RHOBTB1: variants seen among roughly 807,000 people sequenced by gnomAD.
RHOBTB1 encodes the protein Rho related BTB domain containing 1.
A neutral mutation model predicts 71.6 loss-of-function variants in RHOBTB1; 40 were observed. The ratio of observed to expected loss-of-function variants is 0.56; its 90% CI spans 0.43 to 0.73. The LOEUF (loss-of-function observed/expected upper bound fraction) is 0.73. RHOBTB1 is among the 30% of genes least tolerant of loss of function. The probability of loss-of-function intolerance (pLI) is 0.00; values close to 1 mark genes in which losing one functional copy is unlikely to be tolerated. For synonymous variants in RHOBTB1, 319 were observed against 334.9 expected (o/e 0.95, Z 0.52); for missense variants, 797 against 894.0 (o/e 0.89, Z 1.38).
At chr10:60,991,621 C>G (rs534309886) in intron 1 of RHOBTB1, among the ~76,000 whole-genome samples, 2 of 151,834 alleles carry the variant, frequency 1.3e-5, no homozygotes, top group East Asian at 3.9e-4. Context: ...TTAGTAGAGA[C>G]GGGGTTTCAC....
intron 10 of RHOBTB1, 64 bp downstream of exon 10, chr10:60,872,121 G>C (rs1216859251): frequency 6.7e-6 from 8 of 1,200,830 alleles, no homozygotes; most frequent in Non-Finnish European, 1.0e-5. Context: ...CAGGGACATA[G>C]AAGATAAAAG....
At chr10:60,899,237 C>T (rs536851156) in intron 4 of RHOBTB1, among the ~76,000 whole-genome samples, 4 of 152,302 alleles carry the variant, frequency 2.6e-5, no homozygotes, top group South Asian at 4.1e-4. Flanking sequence ...AACAGTCCTA[C>T]TTAACTCCTG....
chr10:60,878,137 A>T, intron 7 of RHOBTB1, 79 bp from the exon 8 acceptor site: 1 of 1,156,820 alleles, frequency 8.6e-7, no homozygotes, highest in South Asian at 1.4e-5. Context: ...CTGCTTATAA[A>T]TATCCTGTGT....
intron 2 of RHOBTB1, among the ~76,000 whole-genome samples, chr10:60,969,187 T>A (rs1299219912): frequency 6.6e-6 from 1 of 152,072 alleles, no homozygotes; most frequent in Non-Finnish European, 1.5e-5. Flanking sequence ...ATGTGAGGTC[T>A]CCTATGGAGG....
intron 1 of RHOBTB1, among the ~76,000 whole-genome samples, chr10:60,989,819 G>C (rs553256159): frequency 9.5e-4 from 145 of 152,172 alleles, no homozygotes; most frequent in African/African-American, 3.2e-3. Flanking sequence ...ATGCAAGCAG[G>C]TGGGAGAGGC....
intron 2 of RHOBTB1, among the ~76,000 whole-genome samples, chr10:60,966,132 T>C (rs1317106624): frequency 6.6e-6 from 1 of 152,070 alleles, no homozygotes; most frequent in African/African-American, 2.4e-5. Context: ...AGGAATAATG[T>C]CTTGAAAAGA....
upstream of RHOBTB1, among the ~76,000 whole-genome samples, chr10:60,948,889 C>G (rs1200103984): frequency 6.6e-6 from 1 of 152,174 alleles, no homozygotes; most frequent in Admixed American, 6.5e-5. Context: ...TAAGGAAATA[C>G]TTCTGGACTA....
At chr10:60,956,592 T>G (rs916425480) in intron 2 of RHOBTB1, among the ~76,000 whole-genome samples, 1 of 151,952 alleles carries the variant, frequency 6.6e-6, no homozygotes, top group Admixed American at 6.6e-5. Flanking sequence ...AAATATCTTC[T>G]TTATATCCTT....
intron 2 of RHOBTB1, among the ~76,000 whole-genome samples, chr10:60,919,815 C>T (rs1170523040): frequency 2.6e-5 from 4 of 152,292 alleles, no homozygotes; most frequent in African/African-American, 9.6e-5. Context: ...GCTCTCTATG[C>T]TTTTAAAACT....
intron 7 of RHOBTB1, among the ~76,000 whole-genome samples, chr10:60,878,475 A>T (rs2081154617): frequency 6.6e-6 from 1 of 152,204 alleles, no homozygotes; most frequent in Non-Finnish European, 1.5e-5. Flanking sequence ...GTTCTCCAAG[A>T]TGTCAAAAGA....
intron 2 of RHOBTB1, among the ~76,000 whole-genome samples, chr10:60,978,464 C>T (rs1044419480): frequency 2.0e-5 from 3 of 152,124 alleles, no homozygotes; most frequent in Non-Finnish European, 4.4e-5. Context: ...TTTTATTCTA[C>T]ATTATAGACT....
intron 2 of RHOBTB1, among the ~76,000 whole-genome samples, chr10:60,959,442 G>A (rs1437484181): frequency 6.6e-6 from 1 of 152,140 alleles, no homozygotes; most frequent in Non-Finnish European, 1.5e-5. Flanking sequence ...TAAAAGCTAC[G>A]TGGACAAGAA....
intron 2 of RHOBTB1, among the ~76,000 whole-genome samples, chr10:60,917,994 AT>A (rs1224100872): frequency 2.6e-5 from 4 of 152,138 alleles, no homozygotes; most frequent in African/African-American, 7.2e-5. Context: ...CCATACACAC[AT>A]TTTTTTCTTA....
intron 2 of RHOBTB1, among the ~76,000 whole-genome samples, chr10:60,938,513 C>T (rs954151971): frequency 2.6e-5 from 4 of 152,192 alleles, no homozygotes; most frequent in Non-Finnish European, 5.9e-5. Context: ...TGATTCAACT[C>T]TCTATGACTC....
intron 2 of RHOBTB1, among the ~76,000 whole-genome samples, chr10:60,985,364 A>G (rs969443920): frequency 1.3e-4 from 20 of 152,154 alleles, no homozygotes; most frequent in Admixed American, 1.3e-3. Flanking sequence ...TTCTAATAAG[A>G]TTTTCTAATT....
intron 2 of RHOBTB1, among the ~76,000 whole-genome samples, chr10:60,926,228 C>T (rs1166268311): frequency 6.6e-6 from 1 of 152,128 alleles, no homozygotes; most frequent in African/African-American, 2.4e-5. Flanking sequence ...CAGAGCAACA[C>T]TCTGTCCAAA....
intron 2 of RHOBTB1, among the ~76,000 whole-genome samples, chr10:60,933,743 G>A (rs945881867): frequency 3.3e-5 from 5 of 151,470 alleles, no homozygotes; most frequent in Non-Finnish European, 7.4e-5. Context: ...CACTATTTGT[G>A]GAAACAAAAA....
intron 4 of RHOBTB1, among the ~76,000 whole-genome samples, chr10:60,910,609 G>A (rs2082915195): frequency 6.6e-6 from 1 of 152,200 alleles, no homozygotes; most frequent in Non-Finnish European, 1.5e-5. Flanking sequence ...AAAGCAGCCC[G>A]CAGTTGGAGG....
At chr10:60,909,196 T>C (rs1027523172) in intron 4 of RHOBTB1, among the ~76,000 whole-genome samples, 1 of 152,220 alleles carries the variant, frequency 6.6e-6, no homozygotes, top group Non-Finnish European at 1.5e-5. Flanking sequence ...AAATAAATGC[T>C]ATGCAGGAAT....
Sources: allele counts gnomAD v4.1 joint callset (sites outside exome capture counted in the v4.1 genomes callset), GRCh38; gene constraint gnomAD v4.1.1; transcripts MANE v1.5; gene names NCBI Gene and HGNC (gene_info 2026-07-23, HGNC 2026-07-21).